WDR27: variants seen among roughly 807,000 people sequenced by gnomAD.
The protein encoded by WDR27 is WD repeat domain 27.
Under a neutral mutation model 114.4 loss-of-function variants are expected in WDR27, and 100 were observed. That is an observed-to-expected ratio of 0.87 (90% confidence interval 0.74 to 1.03). The LOEUF is 1.03. Among genes scored for constraint, WDR27 ranks in the 50% least tolerant of loss-of-function variants. WDR27 has a pLI of 0.00. For synonymous variants in WDR27, 449 were observed against 423.1 expected, an observed-to-expected ratio of 1.06 and a Z score of -0.75; for missense variants, 1,129 against 1,092.9, an observed-to-expected ratio of 1.03 and a Z score of -0.47.
chr6:169,558,495 AAATG>A (rs1465827567), intron 25 of WDR27: 1 of 152,180 alleles, frequency 6.6e-6, no homozygotes, highest in African/African-American at 2.4e-5. Context: ...CTTGCTGGTC[AAATG>A]AATGGAGACC....
At position 169,647,850 on chromosome 6, in the gene WDR27, C is replaced by T. The variant is rs372498783; in HGVS notation, c.1580G>A (p.Cys527Tyr). The change falls in exon 16 of 26, where the codon TGC becomes TAC. Residue 527 changes from cysteine (C) to tyrosine (Y), a missense_variant. By Grantham distance (194) the Cys-to-Tyr change is radical. Transcript: ENST00000448612. ...SCAREAYPVE[C>Y]AVPTKPGPQV... Reference sequence around the variant, plus strand: ...GGGGCCGGGCTTGGTGGGCACAGCGCACTCCACGGGGTATGCCTCCCTGAG... The same window carrying T: ...GGGGCCGGGCTTGGTGGGCACAGCGTACTCCACGGGGTATGCCTCCCTGAG... 2 of 1,573,372 alleles carry T rather than the reference C, an allele frequency of 1.3e-6. No individual in the cohort carries two copies. Among genetic ancestry groups the T allele is most frequent in the African/African-American group, 1.3e-5 (1 of 74,102 alleles).
At chr6:169,578,353 G>C (rs1438222449) in intron 24 of WDR27, among the ~76,000 whole-genome samples, 3 of 152,224 alleles carry the variant, frequency 2.0e-5, no homozygotes, top group Non-Finnish European at 4.4e-5. Context: ...ATGAATGTGA[G>C]AGGCCAGAAA....
intron 24 of WDR27, among the ~76,000 whole-genome samples, chr6:169,575,948 C>A (rs975078095): frequency 3.9e-5 from 6 of 152,168 alleles, no homozygotes; most frequent in African/African-American, 1.2e-4. Context: ...TGTTTTCCTG[C>A]AAAATGAAGG....
chr6:169,631,399 G>A (rs1293596761), intron 21 of WDR27, among the ~76,000 whole-genome samples: 1 of 151,728 alleles, frequency 6.6e-6, no homozygotes, highest in Non-Finnish European at 1.5e-5. Context: ...AACTTGAAAT[G>A]TCCTATTAAT....
chr6:169,447,046 A>C, the WDR27 span, among the ~76,000 whole-genome samples: 1 of 152,238 alleles, frequency 6.6e-6, no homozygotes. Flanking sequence ...ATGATAATGC[A>C]AAAAGATTTC....
intron 22 of WDR27, among the ~76,000 whole-genome samples, chr6:169,605,849 A>G (rs747938492): frequency 6.6e-6 from 1 of 152,162 alleles, no homozygotes; most frequent in Non-Finnish European, 1.5e-5. Context: ...CAAAATCAAC[A>G]ATGGGGAAAG....
the WDR27 span, among the ~76,000 whole-genome samples, chr6:169,433,733 C>T: frequency 6.6e-6 from 1 of 152,156 alleles, no homozygotes; most frequent in African/African-American, 2.4e-5. Flanking sequence ...CCTGTTTCTC[C>T]ACATCTTCTC....
At chr6:169,541,515 G>T (rs766181191) in intron 25 of WDR27, among the ~76,000 whole-genome samples, 10 of 152,230 alleles carry the variant, frequency 6.6e-5, no homozygotes, top group Non-Finnish European at 1.3e-4. Context: ...GAGAATTGCA[G>T]AACCAGCCAG....
At chr6:169,588,146 T>A (rs756802811) in intron 23 of WDR27, among the ~76,000 whole-genome samples, 1 of 152,206 alleles carries the variant, frequency 6.6e-6, no homozygotes, top group Non-Finnish European at 1.5e-5. Flanking sequence ...TCACACAGCA[T>A]TTTAAGGGAT....
Position 169,550,965 on chromosome 6 carries a change from C to G in WDR27, c.2645+21454G>C, listed in dbSNP as rs1056894553. Among the ~76,000 whole-genome samples the G allele has an allele frequency of 1.8e-4, 28 of 152,296 alleles. No individual in the cohort carries two copies. The East Asian group carries it at 5.0e-3, about 27-fold the overall frequency. ...TCCTGGACTGAAGCAATCTGCCTAC[C>G]TCGGCCTCTCAAAGTGGAGGGTTTA... On this transcript the variant is annotated intron_variant, in intron 25 of 25. Coordinates refer to ENST00000448612, the MANE Select transcript of WDR27 (RefSeq NM_182552.5).
intron 1 of WDR27, among the ~76,000 whole-genome samples, chr6:169,698,252 T>A (rs1450083055): frequency 1.0e-5 from 1 of 98,054 alleles, no homozygotes; most frequent in Non-Finnish European, 2.1e-5. Flanking sequence ...AATGCCTACC[T>A]CTGCCTCAGT....
intron 25 of WDR27, among the ~76,000 whole-genome samples, chr6:169,515,081 A>G (rs920640367): frequency 2.0e-5 from 3 of 152,152 alleles, no homozygotes; most frequent in African/African-American, 7.2e-5. Context: ...AAGTATGTGG[A>G]GAAACAAACT....
At chr6:169,671,255 C>T (rs1778673786) in intron 3 of WDR27, 1 of 152,986 alleles carries the variant, frequency 6.5e-6, no homozygotes, top group South Asian at 2.1e-4. Context: ...TAGTGTGTAC[C>T]ATGGACCTAT....
chr6:169,607,035 A>G (rs1809344887), intron 22 of WDR27, among the ~76,000 whole-genome samples: 1 of 152,222 alleles, frequency 6.6e-6, no homozygotes, highest in South Asian at 2.1e-4. Flanking sequence ...AACCACAATG[A>G]GATTTCATCT....
chr6:169,672,451 A>G, intron 2 of WDR27, 55 bp from the exon 3 acceptor site: 4 of 1,451,578 alleles, frequency 2.8e-6, no homozygotes, highest in South Asian at 1.4e-5. Flanking sequence ...AAATAAGAGT[A>G]TAACAACATA....
chr6:169,700,493 G>C (rs1220808104), intron 1 of WDR27, among the ~76,000 whole-genome samples: 4 of 152,182 alleles, frequency 2.6e-5, no homozygotes, highest in Non-Finnish European at 5.9e-5. Flanking sequence ...CCATGTAGTC[G>C]TTGAGTGCCT....
intron 5 of WDR27, 162 bp from the exon 6 acceptor site, chr6:169,667,349 C>T (rs1208141699): frequency 8.1e-7 from 1 of 1,231,976 alleles, no homozygotes; most frequent in African/African-American, 1.6e-5. Context: ...TGTAGTAACA[C>T]CATAAAATAT....
chr6:169,665,396 TA>T, intron 7 of WDR27, 89 bp downstream of exon 7: 1 of 1,506,278 alleles, frequency 6.6e-7, no homozygotes, highest in Non-Finnish European at 8.9e-7. Flanking sequence ...CGCAGGAAAA[TA>T]CAAAGTAGCA....
chr6:169,583,300 GGAAA>G (rs1562629407), intron 23 of WDR27, among the ~76,000 whole-genome samples: 2 of 56,834 alleles, frequency 3.5e-5, no homozygotes, highest in East Asian at 2.4e-4. Context: ...CAAATTGAAT[GGAAA>G]AAAAAAAAAA....
Sources: allele counts gnomAD v4.1 joint callset (sites outside exome capture counted in the v4.1 genomes callset), GRCh38; gene constraint gnomAD v4.1.1; transcripts MANE v1.5; gene names NCBI Gene and HGNC (gene_info 2026-07-23, HGNC 2026-07-21).